Variants in DEFB107B observed in about 807,000 individuals in gnomAD.
The protein encoded by DEFB107B is beta-defensin 107.
intron 1 of DEFB107B, among the ~76,000 whole-genome samples, chr8:7,507,800 T>C (rs1811974909): frequency 7.0e-6 from 1 of 142,310 alleles, no homozygotes; most frequent in Admixed American, 7.0e-5. Context: ...CCAAATTTGT[T>C]CATGTGGACA....
intron 1 of DEFB107B, among the ~76,000 whole-genome samples, 172 bp downstream of exon 1, chr8:7,496,175 C>T (rs1170084352): frequency 2.4e-5 from 2 of 83,484 alleles, no homozygotes; most frequent in Non-Finnish European, 4.7e-5. Flanking sequence ...GGACCATCTC[C>T]ATCCATAATA....
At chr8:7,496,525 G>C (rs1431738028) in intron 1 of DEFB107B, among the ~76,000 whole-genome samples, 439 of 151,266 alleles carry the variant, frequency 2.9e-3, no homozygotes, top group Admixed American at 0.016. Flanking sequence ...TGGTCTTGAT[G>C]TCCTGACTTC....
intron 1 of DEFB107B, among the ~76,000 whole-genome samples, chr8:7,497,593 G>A (rs959490004): frequency 1.3e-5 from 2 of 152,094 alleles, no homozygotes; most frequent in African/African-American, 4.8e-5. Flanking sequence ...ATCAGTTCCC[G>A]ATTTTCTGCC....
chr8:7,503,879 C>G (rs1457099437), intron 1 of DEFB107B, among the ~76,000 whole-genome samples: 2 of 24,074 alleles, frequency 8.3e-5, no homozygotes, highest in African/African-American at 1.5e-4. Flanking sequence ...CAGGTCTGTT[C>G]TCTGAGACCT....
rs1255288588 is a variant in DEFB107B, at chr8:7,503,478, A to T, written c.71-5603A>T. Among the ~76,000 whole-genome samples, 26 of 21,752 alleles carry T rather than the reference A, an allele frequency of 1.2e-3. 11 individuals carry two copies. The highest frequency in any genetic ancestry group is 1.9e-3 in the African/African-American group (23 of 12,270). 14.3% of individuals were successfully genotyped at this position (21,752 alleles called of 152,430 possible). ...TCTTTTTTGATTTATTTTAGCCTCA[A>T]ATGGAATTTTAATGCCATCTTCATT... On this transcript the variant is annotated intron_variant, in intron 1 of 1. Coordinates refer to ENST00000355602, the MANE Select transcript of DEFB107B (RefSeq NM_001040705.2).
intron 1 of DEFB107B, among the ~76,000 whole-genome samples, chr8:7,499,978 AT>A: frequency 8.1e-6 from 1 of 122,932 alleles, no homozygotes; most frequent in African/African-American, 3.9e-5. Context: ...AAAGACTGCA[AT>A]TTTTTATGCT....
chr8:7,496,552 G>T (rs1276592621), intron 1 of DEFB107B, among the ~76,000 whole-genome samples: 2 of 150,582 alleles, frequency 1.3e-5, no homozygotes, highest in African/African-American at 4.9e-5. Flanking sequence ...CGCCCTCCTC[G>T]GCCTCCCAGA....
intron 1 of DEFB107B, among the ~76,000 whole-genome samples, chr8:7,507,834 T>C (rs1811975971): frequency 1.4e-5 from 2 of 144,328 alleles, no homozygotes; most frequent in Admixed American, 6.8e-5. Flanking sequence ...AGCTAGGAGC[T>C]GATGTGATTA....
intron 1 of DEFB107B, among the ~76,000 whole-genome samples, chr8:7,496,472 T>A (rs1438179757): frequency 6.6e-6 from 1 of 151,972 alleles, no homozygotes; most frequent in African/African-American, 2.4e-5. Context: ...GCTAATTTTT[T>A]TGTATTTTTA....
At chr8:7,497,383 G>C (rs574917354) in intron 1 of DEFB107B, among the ~76,000 whole-genome samples, 2 of 152,218 alleles carry the variant, frequency 1.3e-5, no homozygotes, top group Non-Finnish European at 2.9e-5. Flanking sequence ...GTTTTCACAA[G>C]TGCCATAAAA....
chr8:7,500,940 ATTTT>A (rs1239677044), intron 1 of DEFB107B, among the ~76,000 whole-genome samples: 1 of 44,540 alleles, frequency 2.2e-5, no homozygotes, highest in Admixed American at 2.4e-4. Context: ...CAGGAAGCTG[ATTTT>A]CTCCTGGTGA....
chr8:7,507,887 C>T (rs1287986842), intron 1 of DEFB107B, among the ~76,000 whole-genome samples: 1 of 146,612 alleles, frequency 6.8e-6, no homozygotes, highest in South Asian at 2.1e-4. Context: ...GGTTCTATGA[C>T]TAAAAGTCTG....
chr8:7,497,083 A>G (rs1247058677), intron 1 of DEFB107B, among the ~76,000 whole-genome samples: 3 of 144,986 alleles, frequency 2.1e-5, no homozygotes, highest in African/African-American at 7.8e-5. Context: ...ACATTCCTTT[A>G]TTACACATTC....
intron 1 of DEFB107B, among the ~76,000 whole-genome samples, chr8:7,497,308 T>C (rs1466650139): frequency 6.6e-6 from 1 of 152,262 alleles, no homozygotes; most frequent in Non-Finnish European, 1.5e-5. Flanking sequence ...TTCAATACAT[T>C]TAACATGTAT....
At chr8:7,497,188 C>T (rs1290547842) in intron 1 of DEFB107B, among the ~76,000 whole-genome samples, 158 of 148,896 alleles carry the variant, frequency 1.1e-3, no homozygotes, top group Middle Eastern at 3.5e-3. Context: ...GTAGGTAAAA[C>T]GAAGAGGTAA....
chr8:7,496,523 A>T (rs1365618706), intron 1 of DEFB107B, among the ~76,000 whole-genome samples: 2 of 151,824 alleles, frequency 1.3e-5, no homozygotes, highest in African/African-American at 2.4e-5. Context: ...GATGGTCTTG[A>T]TGTCCTGACT....
chr8:7,497,369 A>G (rs1313635755), intron 1 of DEFB107B, among the ~76,000 whole-genome samples: 1 of 152,238 alleles, frequency 6.6e-6, no homozygotes. Flanking sequence ...TTTAATATGA[A>G]ACAGTTTTCA....
rs1243942414 is a variant in DEFB107B, at chr8:7,508,162, T to C, written c.71-919T>C. Among the ~76,000 whole-genome samples, 5 of 139,030 alleles carry C rather than the reference T, an allele frequency of 3.6e-5. 1 individual carries two copies. Among genetic ancestry groups the C allele is most frequent in the African/African-American group, 1.5e-4 (5 of 33,588 alleles). 91.2% of individuals were successfully genotyped at this position (139,030 alleles called of 152,430 possible). ...CCTGATAAATTTAAGTGATCTGTAG[T>C]TCACAGTATCCCAAGTTCAACTTTG... On this transcript the variant is annotated intron_variant, in intron 1 of 1. Transcript: ENST00000355602.
At chr8:7,496,253 T>A in intron 1 of DEFB107B, among the ~76,000 whole-genome samples, 1 of 12,102 alleles carries the variant, frequency 8.3e-5, no homozygotes, top group Non-Finnish European at 2.9e-4. Flanking sequence ...TAGATCTCTT[T>A]CCTCCTTTGT....
Sources: allele counts gnomAD v4.1 joint callset (sites outside exome capture counted in the v4.1 genomes callset), GRCh38; gene constraint gnomAD v4.1.1; transcripts MANE v1.5; gene names NCBI Gene and HGNC (gene_info 2026-07-23, HGNC 2026-07-21).